Variants in SENP2 observed in about 807,000 individuals in gnomAD.
SENP2 encodes the protein SUMO specific peptidase 2.
In SENP2, 16 loss-of-function variants were observed where a neutral mutation model predicts 86.3. The ratio of observed to expected loss-of-function variants is 0.19; its 90% CI spans 0.13 to 0.28. The LOEUF is 0.28. SENP2 is among the 10% of genes least tolerant of loss of function. SENP2 has a pLI of 1.00. For missense variants in SENP2, 552 were observed against 703.0 expected (o/e 0.79, Z 2.43); for synonymous variants, 222 against 238.7 (o/e 0.93, Z 0.64).
chr3:185,632,213 G>GTTTTTTTTTTTTTTT lies in SENP2; in HGVS notation c.*2379_*2380insTTTTTTTTTTTTTTT. The GTTTTTTTTTTTTTTT allele has an allele frequency of 1.6e-5, 2 of 125,326 alleles. No individual in the cohort carries two copies. The highest frequency in any genetic ancestry group is 3.3e-5 in the Non-Finnish European group (2 of 60,740). The allele number at this position is 125,326 out of a possible 1,614,324, so 7.8% of individuals were successfully genotyped here. On this transcript the variant is annotated 3_prime_UTR_variant, in exon 17 of 17. Transcript: ENST00000296257. ...CAAATTATCACCATTAAAGCCAGTG[G>GTTTTTTTTTTTTTTT]TTTTTTTTTTGTTTTTTTTTTTTGT...
rs1712058302 is a variant in SENP2 at position 185,624,676 on chromosome 3, G to GA, written c.1611+595dup. Among the ~76,000 whole-genome samples the GA allele has an allele frequency of 1.1e-4, 16 of 152,102 alleles. No individual in the cohort carries two copies. In the South Asian group the frequency reaches 3.3e-3, roughly 32 times the overall value. The stretch of plus-strand genomic sequence containing the variant: ...AGATCACCTGAGGTCAGGAATTTGA[G>GA]ACCAGCCTGGCCAACATGACAAAAC... On this transcript the variant is annotated intron_variant, in intron 15 of 16. Coordinates refer to ENST00000296257, the MANE Select transcript of SENP2 (RefSeq NM_021627.3).
chr3:185,627,107 ATAG>A (rs1167725644), intron 16 of SENP2, among the ~76,000 whole-genome samples: 2 of 149,938 alleles, frequency 1.3e-5, no homozygotes, highest in Non-Finnish European at 3.0e-5. Context: ...AAAAAAAAAA[ATAG>A]TAGTAGCTGT....
chr3:185,607,162 C>T, intron 6 of SENP2, among the ~76,000 whole-genome samples: 1 of 151,666 alleles, frequency 6.6e-6, no homozygotes, highest in East Asian at 1.9e-4. Flanking sequence ...ACCTGGCTTC[C>T]ACCACCATGT....
At chr3:185,596,455 C>T (rs1206534225) in intron 2 of SENP2, among the ~76,000 whole-genome samples, 1 of 151,690 alleles carries the variant, frequency 6.6e-6, no homozygotes, top group Admixed American at 6.6e-5. Flanking sequence ...CCTGCCTCTA[C>T]CAAAAAATCA....
At position 185,631,105 on chromosome 3, in the gene SENP2, T is replaced by C. The variant is rs1038295143; in HGVS notation, c.*1261T>C. The C allele has an allele frequency of 6.6e-6, 1 of 152,166 alleles. No homozygotes were observed. The highest frequency in any genetic ancestry group is 2.4e-5 in the African/African-American group (1 of 41,436). 9.4% of individuals were successfully genotyped at this position (152,166 alleles called of 1,614,324 possible). ...TGGTCTGGCAGAACCTAAAAAAGTA[T>C]ATGCTGAAATGATTTCTAACCCTCT... On this transcript the variant is annotated 3_prime_UTR_variant, in exon 17 of 17. Transcript: ENST00000296257.
At chr3:185,605,511 G>A (rs1203260918) in intron 5 of SENP2, among the ~76,000 whole-genome samples, 2 of 152,042 alleles carry the variant, frequency 1.3e-5, no homozygotes, top group African/African-American at 4.8e-5. Context: ...TCCTAATACA[G>A]GATCCAGTGC....
intron 6 of SENP2, among the ~76,000 whole-genome samples, chr3:185,607,341 T>C (rs1255800632): frequency 6.8e-6 from 1 of 146,918 alleles, no homozygotes; most frequent in Non-Finnish European, 1.5e-5. Flanking sequence ...TTTTTTTTTT[T>C]TTTTGAGACA....
At chr3:185,612,802 C>G (rs372704421) in intron 9 of SENP2, 144 bp downstream of exon 9, 1 of 586,080 alleles carries the variant, frequency 1.7e-6, no homozygotes, top group South Asian at 2.8e-5. Context: ...AGATAGGTAG[C>G]TAGCTGTTGT....
In SENP2 at chr3:185,586,351, C is replaced by G. The variant is rs1007269131; in HGVS notation, c.-63C>G. 4.5e-5 allele frequency: 72 copies of G among 1,596,230 alleles called. No homozygotes were observed. The highest frequency in any genetic ancestry group is 4.4e-5 in the Non-Finnish European group (52 of 1,171,212). Reference sequence around the variant, plus strand: ...GTTAAGACGGCGAAGGCGGCAGCGGCGGCGACAGCTCTGGGGTTTGCGTCT... The same window carrying G: ...GTTAAGACGGCGAAGGCGGCAGCGGGGGCGACAGCTCTGGGGTTTGCGTCT... On this transcript the variant is annotated 5_prime_UTR_variant, in exon 1 of 17. Transcript: ENST00000296257. The surrounding 1 kb of genome is among the most constrained non-coding windows in gnomAD (Gnocchi z 4.3).
chr3:185,614,791 C>G, intron 11 of SENP2, 51 bp downstream of exon 11: 4 of 1,533,386 alleles, frequency 2.6e-6, no homozygotes, highest in Admixed American at 1.8e-5. Context: ...TAAATAACCT[C>G]AGTTATTCTA....
At chr3:185,621,279 TAACTTAA>T (rs1333820103) in intron 13 of SENP2, among the ~76,000 whole-genome samples, 5 of 145,350 alleles carry the variant, frequency 3.4e-5, no homozygotes, top group African/African-American at 1.3e-4. Flanking sequence ...ACTAATTTTT[TAACTTAA>T]AAACACACTT....
At chr3:185,606,681 G>C in intron 6 of SENP2, 183 bp downstream of exon 6, 1 of 582,748 alleles carries the variant, frequency 1.7e-6, no homozygotes, top group Non-Finnish European at 3.0e-6. Flanking sequence ...TGCAGCATGT[G>C]CCCAGGCAGA....
At position 185,614,591 on chromosome 3, in the gene SENP2, C is replaced by T. The variant is rs1711532382; in HGVS notation, c.961C>T (p.Leu321=). The change falls in exon 11 of 17, where the codon CTA becomes TTA. Residue 321 remains leucine, a synonymous_variant. Transcript: ENST00000296257. ...SRRGYQLEPD[L]SEEVSARLRL... ...GAGGGGATACCAACTGGAGCCTGAC[C>T]TATCAGAAGAAGTGTCGGCCCGACT... 1 of 1,613,834 alleles carries T rather than the reference C, an allele frequency of 6.2e-7. No homozygotes were observed. The highest frequency in any genetic ancestry group is 8.5e-7 in the Non-Finnish European group (1 of 1,179,914).
At chr3:185,596,977 C>T (rs1722195731) in intron 2 of SENP2, among the ~76,000 whole-genome samples, 1 of 152,186 alleles carries the variant, frequency 6.6e-6, no homozygotes, top group Non-Finnish European at 1.5e-5. Flanking sequence ...CCTCAGCCTG[C>T]CAAGTAGCTG....
chr3:185,626,708 G>A (rs992292109), intron 16 of SENP2, among the ~76,000 whole-genome samples: 5 of 152,236 alleles, frequency 3.3e-5, no homozygotes, highest in African/African-American at 1.2e-4. Context: ...AGGAGGTGGA[G>A]GTTGCAGTGA....
intron 2 of SENP2, among the ~76,000 whole-genome samples, chr3:185,594,245 G>T (rs1273380923): frequency 4.0e-5 from 6 of 151,730 alleles, no homozygotes; most frequent in Non-Finnish European, 7.4e-5. Flanking sequence ...CTGTTTTATG[G>T]ATTCTATGTT....
chr3:185,612,515 C>T (rs73175548), intron 8 of SENP2, 92 bp from the exon 9 acceptor site: 144,157 of 795,982 alleles, frequency 0.18, 13,241 homozygotes, highest in Middle Eastern at 0.23. Context: ...AGAGGAATGT[C>T]TTGATGTTGT....
intron 11 of SENP2, among the ~76,000 whole-genome samples, chr3:185,616,992 C>T (rs1711637663): frequency 6.6e-6 from 1 of 152,110 alleles, no homozygotes; most frequent in African/African-American, 2.4e-5. Flanking sequence ...TGATGTGCTT[C>T]AAGCATCTAA....
At chr3:185,622,098 T>C (rs1299510369) in intron 14 of SENP2, among the ~76,000 whole-genome samples, 193 bp downstream of exon 14, 1 of 152,222 alleles carries the variant, frequency 6.6e-6, no homozygotes, top group Non-Finnish European at 1.5e-5. Context: ...GAAACAAGTT[T>C]GTCATGTATT....
Sources: gnomAD v4.1 joint callset for allele counts (sites outside exome capture counted in the v4.1 genomes callset) on GRCh38, gnomAD v4.1.1 for gene constraint, Gnocchi (gnomAD v3.1) non-coding constraint, MANE v1.5 for transcripts, NCBI Gene and HGNC (gene_info 2026-07-23, HGNC 2026-07-21) for gene names.